CNTN4: variants seen among roughly 807,000 people sequenced by gnomAD.
CNTN4 encodes contactin-4.
Under a neutral mutation model 122.5 loss-of-function variants are expected in CNTN4, and 77 were observed. That is an observed-to-expected ratio of 0.63 (90% confidence interval 0.52 to 0.76). CNTN4 has a LOEUF of 0.76. Among genes scored for constraint, CNTN4 ranks in the 30% least tolerant of loss-of-function variants. The pLI, the probability that CNTN4 is intolerant of heterozygous loss-of-function variation, is 0.00. For missense variants in CNTN4, 1,256 were observed against 1,259.1 expected, an observed-to-expected ratio of 1.00 and a Z score of 0.04; for synonymous variants, 512 against 447.0, an observed-to-expected ratio of 1.15 and a Z score of -1.83.
chr3:3,019,765 AATATATAT>A (rs67229453), intron 14 of CNTN4, among the ~76,000 whole-genome samples: 7,796 of 137,916 alleles, frequency 0.057, 261 homozygotes, highest in Middle Eastern at 0.12. Flanking sequence ...TGTGTACACA[AATATATAT>A]ATATATATAT....
intron 12 of CNTN4, among the ~76,000 whole-genome samples, chr3:2,914,717 T>C (rs1260631194): frequency 6.6e-6 from 1 of 152,176 alleles, no homozygotes; most frequent in African/African-American, 2.4e-5. Flanking sequence ...AAAGAAGAAT[T>C]AACACCAGTT....
intron 6 of CNTN4, 36 bp from the exon 7 acceptor site, chr3:2,819,450 A>C: frequency 6.6e-7 from 1 of 1,507,326 alleles, no homozygotes; most frequent in Non-Finnish European, 9.2e-7. Flanking sequence ...TAGGACTTTA[A>C]AGTTTAAATG....
At chr3:2,372,287 T>G (rs766533994) in intron 3 of CNTN4, among the ~76,000 whole-genome samples, 8 of 152,248 alleles carry the variant, frequency 5.3e-5, no homozygotes, top group Non-Finnish European at 1.2e-4. Flanking sequence ...CATAAATGGC[T>G]TTTAATGCTT....
intron 5 of CNTN4, among the ~76,000 whole-genome samples, chr3:2,742,114 A>G (rs1008269706): frequency 6.6e-6 from 1 of 152,148 alleles, no homozygotes; most frequent in Non-Finnish European, 1.5e-5. Context: ...GAACTTTTTC[A>G]GTCTTCAGGC....
chr3:2,636,459 C>A (rs762012043), intron 4 of CNTN4, among the ~76,000 whole-genome samples: 1 of 152,120 alleles, frequency 6.6e-6, no homozygotes, highest in African/African-American at 2.4e-5. Flanking sequence ...GGGAAAAAAA[C>A]CCAGGAATTA....
At chr3:2,343,826 G>C (rs754286031) in intron 3 of CNTN4, among the ~76,000 whole-genome samples, 2 of 152,152 alleles carry the variant, frequency 1.3e-5, no homozygotes, top group South Asian at 2.1e-4. Flanking sequence ...TATTTACAAG[G>C]AAAGAGGTTT....
chr3:2,349,589 T>A (rs1453852622), intron 3 of CNTN4, among the ~76,000 whole-genome samples: 1 of 116,474 alleles, frequency 8.6e-6, no homozygotes. Context: ...CAGTTCATGT[T>A]TTATCCATGA....
Position 2,925,567 on chromosome 3 carries a change from C to T in CNTN4, c.1208-62C>T, listed in dbSNP as rs2094466045. On this transcript the variant is annotated intron_variant, in intron 12 of 24. Transcript: ENST00000418658. ...CTCAAAAAAGAAAGAAAGAAAAAGACTAAGGAATTATCTCATGGAAGGCTG... is the reference window on the plus strand; with the variant it reads ...CTCAAAAAAGAAAGAAAGAAAAAGATTAAGGAATTATCTCATGGAAGGCTG... The T allele has an allele frequency of 2.9e-5, 45 of 1,528,152 alleles. 1 individual carries two copies. The South Asian group carries it at 4.7e-4, about 16-fold the overall frequency. The allele number at this position is 1,528,152 out of a possible 1,614,324, so 94.7% of individuals were successfully genotyped here. A position where few individuals can be genotyped will look rare whatever the true frequency, so the allele number is the denominator to read the frequency against.
At chr3:2,602,883 A>T (rs957687627) in intron 4 of CNTN4, among the ~76,000 whole-genome samples, 1 of 152,200 alleles carries the variant, frequency 6.6e-6, no homozygotes, top group Non-Finnish European at 1.5e-5. Flanking sequence ...GAGAAAAAGC[A>T]AGGCTTAAGT....
chr3:2,852,864 A>G (rs2093569378), intron 7 of CNTN4, among the ~76,000 whole-genome samples: 1 of 152,186 alleles, frequency 6.6e-6, no homozygotes, highest in Non-Finnish European at 1.5e-5. Flanking sequence ...TCAGATGCCC[A>G]CTTTTTTCCT....
intron 2 of CNTN4, among the ~76,000 whole-genome samples, chr3:2,163,128 C>A (rs906333943): frequency 1.3e-5 from 2 of 152,172 alleles, no homozygotes. Flanking sequence ...GTTACCAAAT[C>A]AGCATGGTAC....
chr3:2,524,211 T>A (rs1018252869), intron 3 of CNTN4, among the ~76,000 whole-genome samples: 2 of 152,100 alleles, frequency 1.3e-5, no homozygotes, highest in Non-Finnish European at 2.9e-5. Flanking sequence ...CGTCTGGATG[T>A]TTTATATAAA....
chr3:2,825,164 T>C (rs909580542), intron 7 of CNTN4, among the ~76,000 whole-genome samples: 1 of 152,080 alleles, frequency 6.6e-6, no homozygotes, highest in African/African-American at 2.4e-5. Flanking sequence ...GAGGATCACT[T>C]GAGCCCAGGA....
intron 3 of CNTN4, among the ~76,000 whole-genome samples, chr3:2,531,523 A>G (rs1019890358): frequency 6.6e-6 from 1 of 152,130 alleles, no homozygotes; most frequent in Non-Finnish European, 1.5e-5. Flanking sequence ...TAATAACTAC[A>G]TGACCTAAAT....
At chr3:2,951,478 G>T (rs1004860422) in intron 13 of CNTN4, among the ~76,000 whole-genome samples, 3 of 152,182 alleles carry the variant, frequency 2.0e-5, no homozygotes, top group African/African-American at 7.2e-5. Flanking sequence ...TGTGCCACCT[G>T]GTTCCTAACA....
At chr3:2,479,886 G>C (rs1020117678) in intron 3 of CNTN4, among the ~76,000 whole-genome samples, 32 of 152,064 alleles carry the variant, frequency 2.1e-4, no homozygotes, top group African/African-American at 7.5e-4. Context: ...TTAGCAAATT[G>C]AATCAATAAT....
chr3:2,627,305 G>C (rs2082229303), intron 4 of CNTN4, among the ~76,000 whole-genome samples: 2 of 152,136 alleles, frequency 1.3e-5, no homozygotes, highest in Non-Finnish European at 2.9e-5. Flanking sequence ...ACTCAGTTCT[G>C]ACATGGATCC....
chr3:2,446,153 C>G (rs2048618228), intron 3 of CNTN4, among the ~76,000 whole-genome samples: 1 of 152,146 alleles, frequency 6.6e-6, no homozygotes, highest in African/African-American at 2.4e-5. Context: ...CAAAATTCCC[C>G]TTAACCTTGG....
At chr3:2,152,584 A>G (rs2035541519) in intron 2 of CNTN4, among the ~76,000 whole-genome samples, 1 of 152,188 alleles carries the variant, frequency 6.6e-6, no homozygotes, top group African/African-American at 2.4e-5. Context: ...GAGAGAAAGA[A>G]GAATCCAGGA....
Sources: allele counts gnomAD v4.1 joint callset (sites outside exome capture counted in the v4.1 genomes callset), GRCh38; gene constraint gnomAD v4.1.1; transcripts MANE v1.5; gene names NCBI Gene and HGNC (gene_info 2026-07-23, HGNC 2026-07-21).